The following BCAS1 variants were observed in gnomAD, a reference collection of about 807,000 sequenced individuals.
BCAS1 encodes brain enriched myelin associated protein 1, also known as breast carcinoma-amplified sequence 1.
BCAS1 carries 46 observed loss-of-function variants against 65.4 expected under a neutral mutation model. The ratio of observed to expected loss-of-function variants is 0.70; its 90% CI spans 0.55 to 0.90. BCAS1 has a LOEUF of 0.90. Ranked by LOEUF, BCAS1 falls within the 40% of genes least tolerant of loss-of-function variation. The pLI is 0.00. For synonymous variants in BCAS1, 298 were observed against 293.5 expected, an observed-to-expected ratio of 1.02 and a Z score of -0.16; for missense variants, 793 against 771.2, an observed-to-expected ratio of 1.03 and a Z score of -0.33.
intron 3 of BCAS1, among the ~76,000 whole-genome samples, chr20:54,046,263 C>T (rs1395608019): frequency 6.6e-6 from 1 of 152,182 alleles, no homozygotes; most frequent in African/African-American, 2.4e-5. Flanking sequence ...GGTGCGGTGG[C>T]TCATGCCTGT....
intron 12 of BCAS1, among the ~76,000 whole-genome samples, chr20:53,946,407 C>T (rs1341464843): frequency 7.9e-5 from 12 of 151,764 alleles, no homozygotes; most frequent in Admixed American, 1.3e-4. Flanking sequence ...AGTGGATGTG[C>T]GATTCATCCA....
At chr20:54,003,407 C>T (rs981653676) in intron 4 of BCAS1, among the ~76,000 whole-genome samples, 1 of 152,140 alleles carries the variant, frequency 6.6e-6, no homozygotes, top group Non-Finnish European at 1.5e-5. Context: ...CTATTCTTCA[C>T]GATTGGAATC....
At chr20:54,014,480 T>C (rs940118549) in intron 4 of BCAS1, among the ~76,000 whole-genome samples, 1 of 151,812 alleles carries the variant, frequency 6.6e-6, no homozygotes, top group Non-Finnish European at 1.5e-5. Context: ...CAGACTCCTT[T>C]AAGCAGATCT....
intron 3 of BCAS1, among the ~76,000 whole-genome samples, chr20:54,055,772 T>C (rs2092288437): frequency 6.6e-6 from 1 of 152,018 alleles, no homozygotes; most frequent in South Asian, 2.1e-4. Flanking sequence ...AGTGGATGAA[T>C]GGAAAAAGGA....
intron 4 of BCAS1, among the ~76,000 whole-genome samples, chr20:53,999,871 C>T (rs1485929637): frequency 6.6e-6 from 1 of 152,134 alleles, no homozygotes; most frequent in Non-Finnish European, 1.5e-5. Flanking sequence ...GCTGGGATTA[C>T]AGTGTGTGCC....
chr20:53,974,221 G>C (rs1232416692), intron 9 of BCAS1, among the ~76,000 whole-genome samples: 1 of 152,224 alleles, frequency 6.6e-6, no homozygotes, highest in Non-Finnish European at 1.5e-5. Flanking sequence ...CCAGCCAGCA[G>C]CCACAACCCG....
chr20:53,965,275 GGTTTT>G (rs200721069), intron 10 of BCAS1, among the ~76,000 whole-genome samples: 2 of 152,102 alleles, frequency 1.3e-5, no homozygotes, highest in African/African-American at 4.8e-5. Context: ...CATTGGCAAG[GGTTTT>G]GTTTTGTTTT....
chr20:53,999,266 T>C (rs1235442211), intron 4 of BCAS1, among the ~76,000 whole-genome samples: 2 of 152,232 alleles, frequency 1.3e-5, no homozygotes, highest in African/African-American at 4.8e-5. Context: ...AACCATGTCA[T>C]CCTTACGTCT....
At chr20:53,993,680 G>A (rs1021217659) in intron 6 of BCAS1, among the ~76,000 whole-genome samples, 25 of 152,302 alleles carry the variant, frequency 1.6e-4, no homozygotes, top group Admixed American at 1.4e-3. Flanking sequence ...ACGCTATGTG[G>A]CTTCAAACAA....
At chr20:53,990,226 A>T (rs2090720831) in intron 7 of BCAS1, among the ~76,000 whole-genome samples, 1 of 152,130 alleles carries the variant, frequency 6.6e-6, no homozygotes, top group Non-Finnish European at 1.5e-5. Flanking sequence ...ACCTGAGGAG[A>T]GAGGGGAGCA....
At chr20:53,995,372 G>A (rs1378253896) in intron 5 of BCAS1, among the ~76,000 whole-genome samples, 1 of 152,110 alleles carries the variant, frequency 6.6e-6, no homozygotes, top group Admixed American at 6.5e-5. Context: ...ACCCTCTGGT[G>A]TTTGTGGCAC....
intron 2 of BCAS1, 34 bp downstream of exon 2, chr20:54,058,613 T>TTTC: frequency 6.5e-7 from 1 of 1,534,280 alleles, no homozygotes; most frequent in African/African-American, 1.4e-5. Context: ...TTTTTTTTTT[T>TTTC]CTGCTGATGC....
chr20:53,978,934 C>G (rs2090406390), intron 8 of BCAS1, among the ~76,000 whole-genome samples: 1 of 152,186 alleles, frequency 6.6e-6, no homozygotes. Flanking sequence ...CAAAGGCTGA[C>G]TGTTAGACTA....
chr20:54,070,190 G>A (rs551987741), intron 1 of BCAS1, among the ~76,000 whole-genome samples: 5 of 152,242 alleles, frequency 3.3e-5, no homozygotes, highest in South Asian at 2.1e-4. Flanking sequence ...GTGGCTATGC[G>A]CCTAACACTG....
intron 3 of BCAS1, among the ~76,000 whole-genome samples, chr20:54,037,814 G>A (rs290467): frequency 0.54 from 80,689 of 150,340 alleles, 23,255 homozygotes; most frequent in South Asian, 0.61. Context: ...AACCAAAGCA[G>A]GAACAGAAGA....
In BCAS1 at chr20:53,956,849, A is replaced by G. The variant is rs1430244568; in HGVS notation, c.1551+583T>C. 4.6e-5 allele frequency among the ~76,000 whole-genome samples: 7 copies of G among 152,324 alleles called. No homozygotes were observed. The South Asian group carries it at 1.2e-3, about 27-fold the overall frequency. ...TGATCCTATTTAAAAAAAGGAACAC[A>G]TGTAGTTATAAATATGTCATAGCTA... On this transcript the variant is annotated intron_variant, in intron 11 of 12. Transcript: ENST00000688948.
At chr20:53,998,061 G>T (rs558916846) in intron 4 of BCAS1, among the ~76,000 whole-genome samples, 30 of 152,292 alleles carry the variant, frequency 2.0e-4, no homozygotes, top group Admixed American at 3.9e-4. Flanking sequence ...CGCAGTGTGT[G>T]AGGTGGCAGA....
At chr20:54,065,443 G>C (rs2092428193) in intron 1 of BCAS1, among the ~76,000 whole-genome samples, 1 of 152,238 alleles carries the variant, frequency 6.6e-6, no homozygotes, top group Non-Finnish European at 1.5e-5. Flanking sequence ...CCTGCATGCA[G>C]TTTTGATAGT....
intron 3 of BCAS1, among the ~76,000 whole-genome samples, chr20:54,029,630 TAATA>T (rs1568897553): frequency 1.3e-5 from 2 of 152,240 alleles, no homozygotes; most frequent in Admixed American, 1.3e-4. Context: ...AGGAGACAGA[TAATA>T]AATCTCGTAA....
Sources: gnomAD v4.1 joint callset for allele counts (sites outside exome capture counted in the v4.1 genomes callset) on GRCh38, gnomAD v4.1.1 for gene constraint, MANE v1.5 for transcripts, NCBI Gene and HGNC (gene_info 2026-07-23, HGNC 2026-07-21) for gene names.